Variants in ECHDC1 observed in about 807,000 individuals in gnomAD.
ECHDC1 encodes ethylmalonyl-CoA decarboxylase 1, also known as ethylmalonyl-CoA decarboxylase.
A neutral mutation model predicts 29.7 loss-of-function variants in ECHDC1; 29 were observed. The observed-to-expected ratio is 0.98, with a 90% CI of 0.73 to 1.33. The LOEUF is 1.33. ECHDC1 is among the 40% of genes most tolerant of loss of function. The pLI, the probability that ECHDC1 is intolerant of heterozygous loss-of-function variation, is 0.00. For synonymous variants in ECHDC1, 126 were observed against 123.1 expected (o/e 1.02, Z -0.15); for missense variants, 328 against 350.0 (o/e 0.94, Z 0.50).
At chr6:127,338,222 T>G (rs114209964) in intron 1 of ECHDC1, among the ~76,000 whole-genome samples, 176 of 152,292 alleles carry the variant, frequency 1.2e-3, no homozygotes, top group African/African-American at 4.1e-3. Flanking sequence ...TGAATTCCTA[T>G]TAGTGATCAC....
intron 2 of ECHDC1, 80 bp downstream of exon 2, chr6:127,330,729 C>T (rs1783845823): frequency 8.2e-7 from 1 of 1,214,034 alleles, no homozygotes; most frequent in South Asian, 1.4e-5. Context: ...AACATTCTGT[C>T]ACCACAGCAA....
At chr6:127,327,874 T>C (rs754884393) in intron 2 of ECHDC1, among the ~76,000 whole-genome samples, 76 of 152,350 alleles carry the variant, frequency 5.0e-4, no homozygotes, top group Non-Finnish European at 9.3e-4. Flanking sequence ...ATCTAATCAA[T>C]AACTTTTAGA....
rs2114535511 is a variant in ECHDC1, at chr6:127,289,122, T to C, written c.*747A>G. The C allele has an allele frequency of 6.6e-6, 1 of 152,134 alleles. No individual in the cohort carries two copies. The highest frequency in any genetic ancestry group is 2.4e-5 in the African/African-American group (1 of 41,544). The allele number at this position is 152,134 out of a possible 1,614,324, so 9.4% of individuals were successfully genotyped here. On this transcript the variant is annotated 3_prime_UTR_variant, in exon 6 of 6. Coordinates refer to ENST00000454859, the MANE Select transcript of ECHDC1 (RefSeq NM_001002030.2). Reference sequence around the variant, plus strand: ...AGAAATCTGATGTAAAAATGCAAATTTATGTTGCAGGATGCTTCATGAGTC... The same window carrying C: ...AGAAATCTGATGTAAAAATGCAAATCTATGTTGCAGGATGCTTCATGAGTC...
intron 3 of ECHDC1, among the ~76,000 whole-genome samples, chr6:127,322,029 G>C (rs1187068472): frequency 6.6e-6 from 1 of 151,772 alleles, no homozygotes; most frequent in African/African-American, 2.4e-5. Flanking sequence ...AAAGTAGCTA[G>C]GCCTGGTGGT....
chr6:127,289,763 ATAG>A lies in ECHDC1; in HGVS notation c.*103_*105del, dbSNP rs1779955601. 5 of 1,154,800 alleles carry A rather than the reference ATAG, an allele frequency of 4.3e-6. No homozygotes were observed. In the East Asian group the frequency reaches 7.4e-5, roughly 17 times the overall value. 71.5% of individuals were successfully genotyped at this position (1,154,800 alleles called of 1,614,324 possible). On this transcript the variant is annotated 3_prime_UTR_variant, in exon 6 of 6. Transcript: ENST00000454859. Reference sequence around the variant, plus strand: ...TGATTAAAAGTAAGTCTGCATATTAATAGTAGCCTTCAAAGTAATTCTGATGTT... The same window carrying A: ...TGATTAAAAGTAAGTCTGCATATTAATAGCCTTCAAAGTAATTCTGATGTT...
chr6:127,343,602 CGTGTCACGAGGGAGCCA>C (rs1785155876), exon 1 of ECHDC1: 1 of 152,158 alleles, frequency 6.6e-6, no homozygotes, highest in Non-Finnish European at 1.5e-5. Context: ...CGCGCTCCCT[CGTGTCACGAGGGAGCCA>C]GGGTGGGCGG....
chr6:127,300,329 C>T (rs1780958881), intron 5 of ECHDC1, among the ~76,000 whole-genome samples: 2 of 152,124 alleles, frequency 1.3e-5, no homozygotes, highest in Admixed American at 6.5e-5. Context: ...GGTAGATTGG[C>T]CCCGAAGAGA....
chr6:127,316,030 T>C (rs1456296051), intron 4 of ECHDC1: 1 of 470,814 alleles, frequency 2.1e-6, no homozygotes, highest in South Asian at 1.5e-5. Context: ...TTCCAATCCA[T>C]AGTTCTTTTT....
rs71272311 is a variant in ECHDC1 at position 127,311,669 on chromosome 6, C to CAAAAAAAAAAAAAAAAAAA, written c.497+3128_497+3146dup. Among the ~76,000 whole-genome samples the CAAAAAAAAAAAAAAAAAAA allele has an allele frequency of 1.0e-3, 26 of 25,046 alleles. 1 individual carries two copies. Among genetic ancestry groups the CAAAAAAAAAAAAAAAAAAA allele is most frequent in the Non-Finnish European group, 2.0e-3 (16 of 7,990 alleles). The allele number at this position is 25,046 out of a possible 152,430, so 16.4% of individuals were successfully genotyped here. A position where few individuals can be genotyped will look rare whatever the true frequency, so the allele number is the denominator to read the frequency against. On this transcript the variant is annotated intron_variant, in intron 5 of 5. Transcript: ENST00000454859. ...AGCCTGGGTGACAGAGGCTCTGTCT[C>CAAAAAAAAAAAAAAAAAAA]AAAAAAAAAAAAAAAAAAAAAAAAA...
rs745383945 is a variant in ECHDC1 at position 127,343,587 on chromosome 6, C to T, written c.-254G>A. 7 of 152,198 alleles carry T rather than the reference C, an allele frequency of 4.6e-5. No homozygotes were observed. The highest frequency in any genetic ancestry group is 1.3e-4 in the Admixed American group (2 of 15,278). 9.4% of individuals were successfully genotyped at this position (152,198 alleles called of 1,614,324 possible). A position where few individuals can be genotyped will look rare whatever the true frequency, so the allele number is the denominator to read the frequency against. On this transcript the variant is annotated 5_prime_UTR_variant, in exon 1 of 6. Transcript: ENST00000454859. ...CCCGCTCCTGCCGCGAGGCGCCCTC[C>T]GCTTCGCGCTCCCTCGTGTCACGAG...
At chr6:127,305,629 C>T (rs1781382245) in intron 5 of ECHDC1, among the ~76,000 whole-genome samples, 1 of 151,904 alleles carries the variant, frequency 6.6e-6, no homozygotes, top group South Asian at 2.1e-4. Context: ...CAGTATACAA[C>T]AAAAAATTAA....
At chr6:127,337,711 C>T (rs1784555602) in intron 1 of ECHDC1, among the ~76,000 whole-genome samples, 1 of 152,168 alleles carries the variant, frequency 6.6e-6, no homozygotes, top group South Asian at 2.1e-4. Context: ...TGACTGTTCG[C>T]ATCAACAACA....
intron 5 of ECHDC1, among the ~76,000 whole-genome samples, chr6:127,303,877 A>G (rs1251708176): frequency 2.6e-5 from 4 of 152,194 alleles, no homozygotes; most frequent in Non-Finnish European, 4.4e-5. Flanking sequence ...AGCTCAGACA[A>G]GTCAGAACAC....
At chr6:127,292,493 G>C (rs1047406467) in intron 5 of ECHDC1, among the ~76,000 whole-genome samples, 1 of 151,622 alleles carries the variant, frequency 6.6e-6, no homozygotes, top group Non-Finnish European at 1.5e-5. Flanking sequence ...TGTATACCTC[G>C]GGTGTGCTTA....
chr6:127,311,715 G>GAAAA (rs1562316328), intron 5 of ECHDC1, among the ~76,000 whole-genome samples: 3 of 65,260 alleles, frequency 4.6e-5, no homozygotes, highest in Non-Finnish European at 1.0e-4. Flanking sequence ...AAAAAAGAAA[G>GAAAA]AAAGAAAGAA....
chr6:127,338,008 A>T (rs2114709565), intron 1 of ECHDC1, among the ~76,000 whole-genome samples: 1 of 152,318 alleles, frequency 6.6e-6, no homozygotes, highest in South Asian at 2.1e-4. Flanking sequence ...TCTTCACTGG[A>T]TTATTTAAAG....
At chr6:127,320,969 C>T (rs962625750) in intron 3 of ECHDC1, among the ~76,000 whole-genome samples, 5 of 152,040 alleles carry the variant, frequency 3.3e-5, no homozygotes, top group Non-Finnish European at 7.4e-5. Flanking sequence ...CTTATGGGTA[C>T]ATGAGGGTTT....
At chr6:127,312,029 A>G (rs768697885) in intron 5 of ECHDC1, among the ~76,000 whole-genome samples, 13 of 144,906 alleles carry the variant, frequency 9.0e-5, no homozygotes, top group Non-Finnish European at 1.5e-4. Context: ...TAAAAATTCA[A>G]ATTTCTGCTC....
chr6:127,334,913 G>A (rs1168137237), intron 1 of ECHDC1, among the ~76,000 whole-genome samples: 1 of 151,198 alleles, frequency 6.6e-6, no homozygotes, highest in Non-Finnish European at 1.5e-5. Flanking sequence ...TCAGTTGGAA[G>A]GATGCTTCCT....
Sources: allele counts gnomAD v4.1 joint callset (sites outside exome capture counted in the v4.1 genomes callset), GRCh38; gene constraint gnomAD v4.1.1; transcripts MANE v1.5; gene names NCBI Gene and HGNC (gene_info 2026-07-23, HGNC 2026-07-21).